Variants in PIK3CA observed in about 807,000 individuals in gnomAD.
PIK3CA encodes the protein phosphatidylinositol 4,5-bisphosphate 3-kinase catalytic subunit alpha isoform.
In PIK3CA, 27 loss-of-function variants were observed where a neutral mutation model predicts 138.2. That is an observed-to-expected ratio of 0.20 (90% CI 0.14 to 0.27). The LOEUF (loss-of-function observed/expected upper bound fraction) is 0.27. Among genes scored for constraint, PIK3CA ranks in the 10% least tolerant of loss-of-function variants. The pLI is 1.00. For missense variants in PIK3CA, 544 were observed against 1,277.4 expected (o/e 0.43, Z 8.75); for synonymous variants, 358 against 413.2 (o/e 0.87, Z 1.62).
At chr3:179,149,443 G>A (rs1471193685) in intron 1 of PIK3CA, 1 of 152,176 alleles carries the variant, frequency 6.6e-6, no homozygotes, top group East Asian at 1.9e-4. Flanking sequence ...GGCCAACCGT[G>A]TTACCAGACT....
intron 17 of PIK3CA, among the ~76,000 whole-genome samples, chr3:179,227,254 A>G (rs1725105106): frequency 6.6e-6 from 1 of 152,072 alleles, no homozygotes; most frequent in African/African-American, 2.4e-5. Flanking sequence ...CAGCATTTTT[A>G]TTTATACTTG....
rs2108385717 is a variant in PIK3CA at position 179,199,006 on chromosome 3, C to T, written c.181C>T (p.Leu61Phe). Residue 61 changes from leucine (L) to phenylalanine (F), a missense_variant, in exon 2 of 21, where the codon CTT (leucine) becomes TTT (phenylalanine). By Grantham distance (22) the Leu-to-Phe change is conservative (BLOSUM62 0). Transcript: ENST00000263967. ...KEARKYPLHQ[L>F]LQDESSYIFV... ...AGCAAGAAAATACCCCCTCCATCAACTTCTTCAAGATGAATCTTCTTACAT... is the reference window on the plus strand; with the variant it reads ...AGCAAGAAAATACCCCCTCCATCAATTTCTTCAAGATGAATCTTCTTACAT... The T allele has an allele frequency of 6.2e-7, 1 of 1,613,318 alleles. No individual in the cohort carries two copies.
intron 1 of PIK3CA, among the ~76,000 whole-genome samples, chr3:179,196,707 C>T (rs368444235): frequency 2.6e-5 from 4 of 152,152 alleles, no homozygotes; most frequent in African/African-American, 9.7e-5. Context: ...TATTTGTTTG[C>T]AACCAAGAAT....
intron 9 of PIK3CA, among the ~76,000 whole-genome samples, chr3:179,212,358 C>A (rs921761550): frequency 7.0e-6 from 1 of 143,502 alleles, no homozygotes; most frequent in African/African-American, 2.6e-5. Context: ...CACCTGTAAT[C>A]CTAGCATTTT....
chr3:179,239,924 A>G lies in PIK3CA; in HGVS notation c.*5560A>G. 2 of 873,174 alleles carry G rather than the reference A, an allele frequency of 2.3e-6. No homozygotes were observed. The highest frequency in any genetic ancestry group is 1.5e-5 in the South Asian group (1 of 64,756). 54.1% of individuals were successfully genotyped at this position (873,174 alleles called of 1,614,324 possible). A position where few individuals can be genotyped will look rare whatever the true frequency, so the allele number is the denominator to read the frequency against. ...ACTATATTGAGAATATAGAATAATA[A>G]CAGTATCACTAAATTTAAGACCTCT... On this transcript the variant is annotated 3_prime_UTR_variant, in exon 21 of 21. Coordinates refer to ENST00000263967, the MANE Select transcript of PIK3CA (RefSeq NM_006218.4).
intron 9 of PIK3CA, among the ~76,000 whole-genome samples, chr3:179,217,952 C>T (rs1026592269): frequency 3.2e-4 from 49 of 152,142 alleles, no homozygotes; most frequent in Middle Eastern, 6.8e-3. Flanking sequence ...TGGCTAACTT[C>T]AGCAGTTACT....
In PIK3CA at chr3:179,239,980, T is replaced by C. The variant is rs1482512600; in HGVS notation, c.*5616T>C. 4 of 1,514,766 alleles carry C rather than the reference T, an allele frequency of 2.6e-6. No homozygotes were observed. Among genetic ancestry groups the C allele is most frequent in the Middle Eastern group, 4.6e-4 (2 of 4,364 alleles). The allele number at this position is 1,514,766 out of a possible 1,614,324, so 93.8% of individuals were successfully genotyped here. A position where few individuals can be genotyped will look rare whatever the true frequency, so the allele number is the denominator to read the frequency against. On this transcript the variant is annotated 3_prime_UTR_variant, in exon 21 of 21. Coordinates refer to ENST00000263967, the MANE Select transcript of PIK3CA (RefSeq NM_006218.4). ...GTCTTGCTGTTCCTAGCAAGAAGTTTGGCCTGTGACTGCACTTACTGTTTA... is the reference window on the plus strand; with the variant it reads ...GTCTTGCTGTTCCTAGCAAGAAGTTCGGCCTGTGACTGCACTTACTGTTTA...
chr3:179,188,005 A>G (rs370275241), intron 1 of PIK3CA, among the ~76,000 whole-genome samples: 7 of 152,330 alleles, frequency 4.6e-5, no homozygotes, highest in African/African-American at 1.4e-4. Context: ...AAATAAGGAA[A>G]CTGCCTTCAA....
intron 3 of PIK3CA, among the ~76,000 whole-genome samples, chr3:179,200,598 C>T (rs1198912861): frequency 6.6e-6 from 1 of 152,138 alleles, no homozygotes; most frequent in Non-Finnish European, 1.5e-5. Context: ...AACATAAGAT[C>T]TTTCAAAATT....
chr3:179,159,318 T>C (rs920044656), intron 1 of PIK3CA, among the ~76,000 whole-genome samples: 1 of 152,222 alleles, frequency 6.6e-6, no homozygotes, highest in Admixed American at 6.5e-5. Flanking sequence ...GGATTATGAC[T>C]AATTTAGGCA....
At chr3:179,209,078 G>A (rs1432871079) in intron 6 of PIK3CA, among the ~76,000 whole-genome samples, 2 of 149,530 alleles carry the variant, frequency 1.3e-5, no homozygotes, top group Non-Finnish European at 3.0e-5. Flanking sequence ...AGTGACGTAT[G>A]TAGCACACAT....
At chr3:179,205,349 A>G (rs1448081166) in intron 6 of PIK3CA, among the ~76,000 whole-genome samples, 1 of 152,222 alleles carries the variant, frequency 6.6e-6, no homozygotes, top group Non-Finnish European at 1.5e-5. Context: ...CTAAAGTTTT[A>G]TCAGAATAGT....
At chr3:179,222,350 G>A (rs1336816832) in intron 14 of PIK3CA, among the ~76,000 whole-genome samples, 1 of 152,052 alleles carries the variant, frequency 6.6e-6, no homozygotes. Context: ...GAAAATAATT[G>A]TACTCTTTCT....
At position 179,236,785 on chromosome 3, in the gene PIK3CA, G is replaced by T; in HGVS notation, c.*2421G>T. 1 of 214,360 alleles carries T rather than the reference G, an allele frequency of 4.7e-6. No individual in the cohort carries two copies. Among genetic ancestry groups the T allele is most frequent in the Non-Finnish European group, 9.5e-6 (1 of 104,876 alleles). 13.3% of individuals were successfully genotyped at this position (214,360 alleles called of 1,614,324 possible). On this transcript the variant is annotated 3_prime_UTR_variant, in exon 21 of 21. Transcript: ENST00000263967. ...ACAAATTCTATAAAGACTATAGATT[G>T]TGACCTAAGAAAGAAATGAGGCAAA...
At chr3:179,232,713 G>C (rs1276201203) in intron 20 of PIK3CA, among the ~76,000 whole-genome samples, 1 of 151,830 alleles carries the variant, frequency 6.6e-6, no homozygotes, top group Non-Finnish European at 1.5e-5. Context: ...TACATTCCTA[G>C]GTATTTTTTT....
At chr3:179,185,886 G>A (rs1020721947) in intron 1 of PIK3CA, among the ~76,000 whole-genome samples, 2 of 152,162 alleles carry the variant, frequency 1.3e-5, no homozygotes, top group Non-Finnish European at 2.9e-5. Context: ...GAAGGTCCTC[G>A]AACTCAGTCC....
chr3:179,170,120 A>G (rs1019116719), intron 1 of PIK3CA, among the ~76,000 whole-genome samples: 1 of 152,158 alleles, frequency 6.6e-6, no homozygotes, highest in Non-Finnish European at 1.5e-5. Context: ...AAATAGGGAT[A>G]GAAAGCTATT....
chr3:179,220,050 A>G lies in PIK3CA; in HGVS notation c.2013A>G (p.Leu671=), dbSNP rs1060503813. The G allele has an allele frequency of 2.6e-5, 41 of 1,574,808 alleles. No individual in the cohort carries two copies. The highest frequency in any genetic ancestry group is 3.2e-5 in the Non-Finnish European group (37 of 1,159,258). The change falls in exon 13 of 21, where the codon TTA becomes TTG. Residue 671 remains leucine (L), a splice_region_variant and synonymous_variant. Transcript: ENST00000263967. The surrounding 1 kb of genome is among the most constrained non-coding windows in gnomAD (Gnocchi z 4.1). ...TTGGGCACTTTTTCTTTTGGCATTT[A>G]AAGTAAGTCTAATTATTTTCCCATT... ...QRIGHFFFWH[L]KSEMHNKTVS... is the part of the protein sequence containing the mutation.
At chr3:179,232,913 A>G (rs1725246219) in intron 20 of PIK3CA, among the ~76,000 whole-genome samples, 1 of 152,034 alleles carries the variant, frequency 6.6e-6, no homozygotes, top group Non-Finnish European at 1.5e-5. Context: ...GCTAGAGCGT[A>G]GTGGTGCGAT....
Sources: gnomAD v4.1 joint callset for allele counts (sites outside exome capture counted in the v4.1 genomes callset) on GRCh38, gnomAD v4.1.1 for gene constraint, Gnocchi (gnomAD v3.1) non-coding constraint, MANE v1.5 for transcripts, NCBI Gene and HGNC (gene_info 2026-07-23, HGNC 2026-07-21) for gene names.